Variants in TEX36 observed in about 807,000 individuals in gnomAD.
The protein encoded by TEX36 is testis expressed 36, also known as testis-expressed protein 36.
TEX36 carries 12 observed loss-of-function variants against 13.6 expected under a neutral mutation model. The observed-to-expected ratio is 0.88, with a 90% CI of 0.56 to 1.43. The LOEUF is 1.43. Ranked by LOEUF, TEX36 falls within the 40% of genes most tolerant of loss-of-function variation. The pLI, the probability that TEX36 is intolerant of heterozygous loss-of-function variation, is 0.00. For missense variants in TEX36, 224 were observed against 228.3 expected, an observed-to-expected ratio of 0.98 and a Z score of 0.12; for synonymous variants, 93 against 83.0, an observed-to-expected ratio of 1.12 and a Z score of -0.65.
chr10:125,658,717 G>T (rs1846985198), intron 3 of TEX36, among the ~76,000 whole-genome samples: 1 of 151,894 alleles, frequency 6.6e-6, no homozygotes, highest in African/African-American at 2.4e-5. Context: ...GCAATGAATA[G>T]ATTATTTCTA....
At chr10:125,614,956 C>A (rs1361742354) in intron 3 of TEX36, among the ~76,000 whole-genome samples, 1 of 152,048 alleles carries the variant, frequency 6.6e-6, no homozygotes, top group Non-Finnish European at 1.5e-5. Context: ...CTTTTATTTC[C>A]TTGAGCAGTG....
rs1372275933 is a variant in TEX36, at chr10:125,664,741, CT to C, written c.52-2765del. Among the ~76,000 whole-genome samples, 3 of 152,188 alleles carry C rather than the reference CT, an allele frequency of 2.0e-5. No homozygotes were observed. The East Asian group carries it at 5.8e-4, about 29-fold the overall frequency. On this transcript the variant is annotated intron_variant, in intron 1 of 3. Transcript: ENST00000368821. ...ACAGAACTGTGAATCAATTAAACCT[CT>C]TTTCTTTATAAATTACCAGTCTCAG...
chr10:125,652,643 A>G (rs1202918371), downstream of TEX36, among the ~76,000 whole-genome samples: 3 of 152,218 alleles, frequency 2.0e-5, no homozygotes, highest in Non-Finnish European at 4.4e-5. Context: ...AATGGGATCT[A>G]ATCAAACTAA....
At chr10:125,598,808 G>T (rs910579452) in intron 3 of TEX36, among the ~76,000 whole-genome samples, 8 of 152,114 alleles carry the variant, frequency 5.3e-5, no homozygotes, top group Non-Finnish European at 1.0e-4. Flanking sequence ...GAGTTAAATT[G>T]CACCTTTTCT....
intron 3 of TEX36, among the ~76,000 whole-genome samples, chr10:125,580,943 G>A (rs1163534450): frequency 6.6e-6 from 1 of 152,156 alleles, no homozygotes; most frequent in Non-Finnish European, 1.5e-5. Flanking sequence ...GGCCTGAGAT[G>A]GAGCAACCTG....
intron 3 of TEX36, among the ~76,000 whole-genome samples, chr10:125,660,005 G>A (rs1223004040): frequency 6.6e-6 from 1 of 152,152 alleles, no homozygotes; most frequent in East Asian, 1.9e-4. Context: ...TTACATAAGT[G>A]TAAAACACAA....
chr10:125,585,994 TG>T (rs1428264864), intron 3 of TEX36, among the ~76,000 whole-genome samples: 1 of 152,236 alleles, frequency 6.6e-6, no homozygotes, highest in Non-Finnish European at 1.5e-5. Flanking sequence ...TCCAGTCCTT[TG>T]GGTTTGCACA....
intron 1 of TEX36, among the ~76,000 whole-genome samples, chr10:125,673,915 T>G (rs1169348583): frequency 6.6e-6 from 1 of 152,024 alleles, no homozygotes; most frequent in African/African-American, 2.4e-5. Context: ...TTGATCTTCT[T>G]GTGGAATATC....
intron 1 of TEX36, among the ~76,000 whole-genome samples, chr10:125,677,968 C>T (rs933475389): frequency 2.6e-5 from 4 of 152,222 alleles, no homozygotes; most frequent in Non-Finnish European, 5.9e-5. Context: ...AGGCATGAGC[C>T]ACTGCACCCA....
chr10:125,629,351 G>A (rs958462791), intron 3 of TEX36, among the ~76,000 whole-genome samples: 1 of 152,168 alleles, frequency 6.6e-6, no homozygotes, highest in Non-Finnish European at 1.5e-5. Flanking sequence ...AGAAATTGAG[G>A]CGACTTCAAA....
intron 3 of TEX36, among the ~76,000 whole-genome samples, chr10:125,601,933 T>A (rs1589749510): frequency 6.6e-6 from 1 of 152,164 alleles, no homozygotes. Flanking sequence ...ATGCGGGGTG[T>A]CTTCCTTGTC....
chr10:125,667,114 T>G (rs1847135918), intron 1 of TEX36: 1 of 823,326 alleles, frequency 1.2e-6, no homozygotes, highest in African/African-American at 1.7e-5. Context: ...GATGGATGCC[T>G]CCTCCTCATT....
At chr10:125,659,418 C>T (rs1565186864) in intron 3 of TEX36, among the ~76,000 whole-genome samples, 2 of 152,224 alleles carry the variant, frequency 1.3e-5, no homozygotes, top group East Asian at 3.9e-4. Context: ...AGCAGTGAAT[C>T]GTCAAGGTCA....
chr10:125,627,721 G>A (rs1410077026), intron 3 of TEX36, among the ~76,000 whole-genome samples: 2 of 151,854 alleles, frequency 1.3e-5, no homozygotes, highest in Non-Finnish European at 2.9e-5. Flanking sequence ...CAACTCCAGG[G>A]GACACCATTC....
chr10:125,625,738 C>A (rs2133563407), intron 3 of TEX36, among the ~76,000 whole-genome samples: 1 of 152,376 alleles, frequency 6.6e-6, no homozygotes, highest in African/African-American at 2.4e-5. Context: ...GCCAACACCC[C>A]AGAGGCGCAG....
chr10:125,656,207 G>A lies in TEX36; in HGVS notation c.265-11C>T, dbSNP rs200297774. On this transcript the variant is annotated splice_polypyrimidine_tract_variant and intron_variant, in intron 3 of 3. Transcript: ENST00000368821. ...CTTACGTCCCAGGCCCTGGAGAGAA[G>A]AATTACAAGATTCGAAGGAAAATAT... 6.6e-4 allele frequency: 678 copies of A among 1,031,566 alleles called. No individual in the cohort carries two copies. The highest frequency in any genetic ancestry group is 7.2e-4 in the Non-Finnish European group (573 of 792,236). 63.9% of individuals were successfully genotyped at this position (1,031,566 alleles called of 1,614,324 possible). A position where few individuals can be genotyped will look rare whatever the true frequency, so the allele number is the denominator to read the frequency against.
chr10:125,587,295 C>A lies in TEX36; in HGVS notation c.265-10421G>T, dbSNP rs149806417. On this transcript the variant is annotated intron_variant, in intron 3 of 3. Coordinates refer to the TEX36 transcript ENST00000532135. ...CTTAAGCCCAGGAGTTCGGGGCCAGCCTGGGCAACTTACTGAGACCCCATC... is the reference window on the plus strand; with the variant it reads ...CTTAAGCCCAGGAGTTCGGGGCCAGACTGGGCAACTTACTGAGACCCCATC... Among the ~76,000 whole-genome samples, 1,340 of 152,188 alleles carry A rather than the reference C, an allele frequency of 8.8e-3. 13 individuals carry two copies. Among genetic ancestry groups the A allele is most frequent in the Admixed American group, 0.022 (343 of 15,288 alleles).
intron 3 of TEX36, among the ~76,000 whole-genome samples, chr10:125,593,688 T>A (rs1161937534): frequency 6.6e-6 from 1 of 152,192 alleles, no homozygotes; most frequent in Non-Finnish European, 1.5e-5. Flanking sequence ...GCAACTCTTG[T>A]ATGCTTCCAC....
At position 125,659,987 on chromosome 10, in the gene TEX36, T is replaced by C. The variant is rs148529872; in HGVS notation, c.264+1034A>G. Among the ~76,000 whole-genome samples the C allele has an allele frequency of 3.4e-3, 512 of 152,338 alleles. 2 individuals are homozygous for C. Among genetic ancestry groups the C allele is most frequent in the Non-Finnish European group, 6.0e-3 (410 of 68,020 alleles). ...GCACTTGATATGTGAGTTGTCTACGTTGAGATGTTACATAAGTGTAAAACA... is the reference window on the plus strand; with the variant it reads ...GCACTTGATATGTGAGTTGTCTACGCTGAGATGTTACATAAGTGTAAAACA... On this transcript the variant is annotated intron_variant, in intron 3 of 3. Transcript: ENST00000368821.
Sources: gnomAD v4.1 joint callset for allele counts (sites outside exome capture counted in the v4.1 genomes callset) on GRCh38, gnomAD v4.1.1 for gene constraint, MANE v1.5 for transcripts, NCBI Gene and HGNC (gene_info 2026-07-23, HGNC 2026-07-21) for gene names.